The following KIAA1328 variants were observed in gnomAD, a reference collection of about 807,000 sequenced individuals.
KIAA1328 encodes KIAA1328, also known as protein hinderin.
A neutral mutation model predicts 68.1 loss-of-function variants in KIAA1328; 52 were observed. The observed-to-expected ratio is 0.76, with a 90% CI of 0.61 to 0.96. The LOEUF is 0.96. Ranked by LOEUF, KIAA1328 falls within the 40% of genes least tolerant of loss-of-function variation. The probability of loss-of-function intolerance (pLI) is 0.00; values close to 1 mark genes in which losing one functional copy is unlikely to be tolerated. For missense variants in KIAA1328, 641 were observed against 677.6 expected (o/e 0.95, Z 0.60); for synonymous variants, 232 against 239.4 (o/e 0.97, Z 0.28).
At chr18:37,078,670 G>A (rs1383060143) in intron 7 of KIAA1328, among the ~76,000 whole-genome samples, 1 of 148,432 alleles carries the variant, frequency 6.7e-6, no homozygotes, top group African/African-American at 2.5e-5. Context: ...GTGGGCAAAG[G>A]ACATGAACAG....
intron 4 of KIAA1328, among the ~76,000 whole-genome samples, chr18:36,870,038 T>A (rs540759532): frequency 6.6e-6 from 1 of 152,078 alleles, no homozygotes; most frequent in Admixed American, 6.5e-5. Context: ...GATTTTTGTA[T>A]TTTTTAGTAG....
intron 7 of KIAA1328, among the ~76,000 whole-genome samples, chr18:37,121,420 A>T (rs893865004): frequency 9.0e-5 from 11 of 122,298 alleles, no homozygotes; most frequent in Non-Finnish European, 1.8e-4. Context: ...TAGGACTTCT[A>T]TCTATCTATC....
rs1206751499 is a variant in KIAA1328, at chr18:36,830,259, G to T, written c.58+1063G>T. Reference sequence around the variant, plus strand: ...GATATGTTTGTATTCTGTGCTGCTCGTGTTTAGTGTTTGCACTTACTAGAC... The same window carrying T: ...GATATGTTTGTATTCTGTGCTGCTCTTGTTTAGTGTTTGCACTTACTAGAC... On this transcript the variant is annotated intron_variant, in intron 1 of 9. Coordinates refer to ENST00000280020, the MANE Select transcript of KIAA1328 (RefSeq NM_020776.3). Among the ~76,000 whole-genome samples the T allele has an allele frequency of 2.0e-5, 3 of 152,192 alleles. No homozygotes were observed. The South Asian group carries it at 6.2e-4, about 32-fold the overall frequency.
chr18:36,912,645 A>G (rs1317973127), intron 5 of KIAA1328, among the ~76,000 whole-genome samples: 2 of 152,250 alleles, frequency 1.3e-5, no homozygotes, highest in African/African-American at 2.4e-5. Context: ...CATGCAAAAT[A>G]TATTCACCCC....
chr18:36,847,897 T>C (rs1182309109), intron 4 of KIAA1328, among the ~76,000 whole-genome samples: 1 of 151,744 alleles, frequency 6.6e-6, no homozygotes, highest in Non-Finnish European at 1.5e-5. Context: ...CAATTGAACA[T>C]ACATGCATGG....
At chr18:37,044,108 T>C (rs911751675) in intron 6 of KIAA1328, among the ~76,000 whole-genome samples, 1 of 152,208 alleles carries the variant, frequency 6.6e-6, no homozygotes, top group African/African-American at 2.4e-5. Context: ...TTCTCAACTT[T>C]CCTTAAAGCT....
chr18:37,144,812 G>A (rs932345255), intron 7 of KIAA1328, among the ~76,000 whole-genome samples: 1 of 152,028 alleles, frequency 6.6e-6, no homozygotes, highest in East Asian at 1.9e-4. Flanking sequence ...TTACAGGCGT[G>A]ATCCACCATA....
chr18:36,934,660 C>G (rs1037274608), intron 5 of KIAA1328, among the ~76,000 whole-genome samples: 3 of 152,274 alleles, frequency 2.0e-5, no homozygotes, highest in East Asian at 3.9e-4. Flanking sequence ...CTTCCAGGCT[C>G]TGTCTCATTG....
chr18:36,884,611 G>C (rs1217968034), intron 4 of KIAA1328, among the ~76,000 whole-genome samples: 1 of 152,158 alleles, frequency 6.6e-6, no homozygotes. Flanking sequence ...GTAGCGTTCT[G>C]AGCAGAAGTA....
At chr18:36,992,322 T>G (rs937830521) in intron 6 of KIAA1328, among the ~76,000 whole-genome samples, 1 of 152,184 alleles carries the variant, frequency 6.6e-6, no homozygotes, top group Non-Finnish European at 1.5e-5. Context: ...CTCCAAGGCA[T>G]AAAATATTCT....
intron 4 of KIAA1328, among the ~76,000 whole-genome samples, chr18:36,848,624 G>A (rs938695402): frequency 2.8e-5 from 4 of 143,402 alleles, no homozygotes; most frequent in South Asian, 2.2e-4. Flanking sequence ...GTGAATGGAC[G>A]TCTTTGCCTT....
At chr18:37,019,985 A>AAAT in intron 6 of KIAA1328, among the ~76,000 whole-genome samples, 1 of 152,210 alleles carries the variant, frequency 6.6e-6, no homozygotes. Context: ...CTACTGGTCC[A>AAAT]GGTGAGTGAT....
At chr18:36,896,937 TC>T (rs1041625122) in intron 5 of KIAA1328, among the ~76,000 whole-genome samples, 18 of 152,254 alleles carry the variant, frequency 1.2e-4, no homozygotes, top group African/African-American at 4.1e-4. Context: ...GTCTTAGTAT[TC>T]TTAACCTTAG....
chr18:37,181,038 C>T (rs2059689889), intron 9 of KIAA1328, among the ~76,000 whole-genome samples: 1 of 151,922 alleles, frequency 6.6e-6, no homozygotes, highest in Non-Finnish European at 1.5e-5. Context: ...AGAATTTATT[C>T]CCATTTTTCC....
intron 7 of KIAA1328, among the ~76,000 whole-genome samples, chr18:37,119,124 CTG>C (rs1238047150): frequency 1.3e-5 from 2 of 152,152 alleles, no homozygotes; most frequent in African/African-American, 4.8e-5. Flanking sequence ...ATAAAACACT[CTG>C]TAAGTCCATG....
intron 7 of KIAA1328, among the ~76,000 whole-genome samples, chr18:37,129,001 G>A (rs2058458946): frequency 6.6e-6 from 1 of 152,176 alleles, no homozygotes; most frequent in African/African-American, 2.4e-5. Context: ...TAGGAGCTGG[G>A]GATGGAGTAA....
At chr18:36,897,863 G>A (rs1400420826) in intron 5 of KIAA1328, among the ~76,000 whole-genome samples, 4 of 152,012 alleles carry the variant, frequency 2.6e-5, no homozygotes, top group African/African-American at 4.8e-5. Context: ...GTAATTTGAT[G>A]TATTGCTAAG....
intron 6 of KIAA1328, among the ~76,000 whole-genome samples, chr18:36,978,147 C>T (rs2052544550): frequency 6.6e-6 from 1 of 152,150 alleles, no homozygotes; most frequent in Non-Finnish European, 1.5e-5. Context: ...CCCATGCAAT[C>T]TTATAAGACT....
chr18:37,209,094 TATC>T (rs1049029040), intron 9 of KIAA1328, among the ~76,000 whole-genome samples: 1 of 152,160 alleles, frequency 6.6e-6, no homozygotes, highest in Non-Finnish European at 1.5e-5. Flanking sequence ...AATGTAAAAA[TATC>T]ATATGGAAAA....
Sources: allele counts gnomAD v4.1 joint callset (sites outside exome capture counted in the v4.1 genomes callset), GRCh38; gene constraint gnomAD v4.1.1; transcripts MANE v1.5; gene names NCBI Gene and HGNC (gene_info 2026-07-23, HGNC 2026-07-21).